DACH1: variants seen among roughly 807,000 people sequenced by gnomAD.
The protein encoded by DACH1 is dachshund homolog 1.
In DACH1, 12 loss-of-function variants were observed where a neutral mutation model predicts 54.2. That is an observed-to-expected ratio of 0.22 (90% CI 0.14 to 0.36). The LOEUF (loss-of-function observed/expected upper bound fraction) is 0.36, where lower values mean the gene tolerates loss of function less well. Ranked by LOEUF, DACH1 falls within the 10% of genes least tolerant of loss-of-function variation. The probability of loss-of-function intolerance (pLI) is 1.00; values close to 1 mark genes in which losing one functional copy is unlikely to be tolerated. For missense variants in DACH1, 805 were observed against 929.8 expected, an observed-to-expected ratio of 0.87 and a Z score of 1.75; for synonymous variants, 386 against 366.2, an observed-to-expected ratio of 1.05 and a Z score of -0.62.
At chr13:71,649,526 TA>T (rs1364074061) in intron 2 of DACH1, among the ~76,000 whole-genome samples, 1 of 152,138 alleles carries the variant, frequency 6.6e-6, no homozygotes, top group Non-Finnish European at 1.5e-5. Context: ...TTCAACTGTG[TA>T]AGGTAGAACA....
chr13:71,750,225 A>G (rs1296431179), intron 1 of DACH1, among the ~76,000 whole-genome samples: 2 of 152,178 alleles, frequency 1.3e-5, no homozygotes, highest in Non-Finnish European at 2.9e-5. Context: ...TTTCCCTGAA[A>G]TACCTGAGCT....
At chr13:71,658,329 C>T (rs1259113286) in intron 2 of DACH1, among the ~76,000 whole-genome samples, 1 of 152,112 alleles carries the variant, frequency 6.6e-6, no homozygotes, top group Non-Finnish European at 1.5e-5. Flanking sequence ...GCGGGTGGAT[C>T]ACCTATGTTC....
intron 3 of DACH1, among the ~76,000 whole-genome samples, chr13:71,598,527 A>G (rs1051459753): frequency 1.3e-5 from 2 of 152,158 alleles, no homozygotes; most frequent in Non-Finnish European, 2.9e-5. Context: ...TGCTGGGATT[A>G]CAGGCGTGAG....
intron 6 of DACH1, among the ~76,000 whole-genome samples, chr13:71,547,246 A>G (rs1883521519): frequency 6.6e-6 from 1 of 152,090 alleles, no homozygotes; most frequent in Admixed American, 6.6e-5. Context: ...TTAATGGATT[A>G]TTTTATAAAA....
At chr13:71,670,542 A>G (rs1198419466) in intron 2 of DACH1, among the ~76,000 whole-genome samples, 1 of 152,142 alleles carries the variant, frequency 6.6e-6, no homozygotes, top group Non-Finnish European at 1.5e-5. Context: ...TAAACATTTC[A>G]TAACCAAATT....
chr13:71,614,586 G>C (rs1307760870), intron 3 of DACH1, among the ~76,000 whole-genome samples: 1 of 152,134 alleles, frequency 6.6e-6, no homozygotes, highest in Non-Finnish European at 1.5e-5. Flanking sequence ...CCTGGCAATG[G>C]TTTGTGCCAG....
At chr13:71,722,853 C>T (rs1025902080) in intron 1 of DACH1, among the ~76,000 whole-genome samples, 4 of 151,944 alleles carry the variant, frequency 2.6e-5, no homozygotes, top group African/African-American at 9.7e-5. Flanking sequence ...TCATAAACTA[C>T]GATGGAGCTG....
At chr13:71,726,597 A>G (rs1883476284) in intron 1 of DACH1, among the ~76,000 whole-genome samples, 1 of 152,012 alleles carries the variant, frequency 6.6e-6, no homozygotes, top group South Asian at 2.1e-4. Flanking sequence ...TAAAGAGGTA[A>G]CTATTCCACA....
chr13:71,609,173 A>T (rs1319361687), intron 3 of DACH1, among the ~76,000 whole-genome samples: 3 of 152,122 alleles, frequency 2.0e-5, no homozygotes, highest in African/African-American at 7.2e-5. Context: ...GAAGTTTATT[A>T]TTATGTGCCT....
chr13:71,682,466 A>G (rs1022400834), intron 1 of DACH1, among the ~76,000 whole-genome samples: 3 of 152,182 alleles, frequency 2.0e-5, no homozygotes, highest in African/African-American at 2.4e-5. Context: ...ATGTTTTATT[A>G]CTTCGCACTG....
chr13:71,823,715 G>GA lies in DACH1; in HGVS notation c.848+42206dup, dbSNP rs150395381. ...TTTCAAGCCAAGTTATCATAAAGTTGAAAAAAAACAAACCAAAATTATTTC... is the reference window on the plus strand; with the variant it reads ...TTTCAAGCCAAGTTATCATAAAGTTGAAAAAAAAACAAACCAAAATTATTTC... On this transcript the variant is annotated intron_variant, in intron 1 of 10. Transcript: ENST00000613252. 7.0e-3 allele frequency among the ~76,000 whole-genome samples: 1,060 copies of GA among 151,090 alleles called. 6 individuals carry two copies. Among genetic ancestry groups the GA allele is most frequent in the Non-Finnish European group, 0.012 (789 of 67,594 alleles).
At position 71,440,599 on chromosome 13, in the gene DACH1, G is replaced by C. The variant is rs868074258; in HGVS notation, c.*56C>G. The C allele has an allele frequency of 8.5e-6, 12 of 1,404,920 alleles. No homozygotes were observed. Among genetic ancestry groups the C allele is most frequent in the Non-Finnish European group, 1.2e-5 (12 of 1,013,994 alleles). The allele number at this position is 1,404,920 out of a possible 1,614,324, so 87.0% of individuals were successfully genotyped here. On this transcript the variant is annotated 3_prime_UTR_variant, in exon 11 of 11. Coordinates refer to ENST00000613252, the MANE Select transcript of DACH1 (RefSeq NM_080759.6). ...ATTTTTTTCTGAACTTTCCCATGAC[G>C]AATGTCTGACTGCAAAGTTCTTTTC...
At chr13:71,615,098 T>C (rs1875662957) in intron 3 of DACH1, among the ~76,000 whole-genome samples, 1 of 152,208 alleles carries the variant, frequency 6.6e-6, no homozygotes, top group East Asian at 1.9e-4. Flanking sequence ...CCCATGTTTA[T>C]GGTAAACCTA....
chr13:71,595,857 T>G (rs1793590401), intron 3 of DACH1, among the ~76,000 whole-genome samples: 1 of 152,102 alleles, frequency 6.6e-6, no homozygotes, highest in Non-Finnish European at 1.5e-5. Flanking sequence ...CTCTAAATAC[T>G]ATCACATTGA....
At chr13:71,643,859 A>G (rs1353793580) in intron 2 of DACH1, among the ~76,000 whole-genome samples, 1 of 152,190 alleles carries the variant, frequency 6.6e-6, no homozygotes, top group Non-Finnish European at 1.5e-5. Context: ...AAGAAGAAAA[A>G]AAAAAGACAA....
chr13:71,703,556 G>A (rs79394610), intron 1 of DACH1, among the ~76,000 whole-genome samples: 3,012 of 152,290 alleles, frequency 0.02, 76 homozygotes, highest in African/African-American at 0.056. Flanking sequence ...CACAAGATGC[G>A]TCATAAATAA....
At chr13:71,507,645 C>A (rs868746815) in intron 6 of DACH1, among the ~76,000 whole-genome samples, 1 of 152,086 alleles carries the variant, frequency 6.6e-6, no homozygotes, top group Admixed American at 6.6e-5. Flanking sequence ...GGAACTGTCA[C>A]GGCAAGTGAG....
Position 71,547,499 on chromosome 13 carries a change from A to C in DACH1, c.1570+9525T>G, listed in dbSNP as rs1000258638. Among the ~76,000 whole-genome samples, 142 of 152,130 alleles carry C rather than the reference A, an allele frequency of 9.3e-4. 1 individual carries two copies. The highest frequency in any genetic ancestry group is 9.3e-3 in the Admixed American group (142 of 15,252). On this transcript the variant is annotated intron_variant, in intron 6 of 10. Coordinates refer to ENST00000613252, the MANE Select transcript of DACH1 (RefSeq NM_080759.6). ...AACTGTAGCATAAGATACTAGCAAC[A>C]ATAGTAATGTAAAATTTTAAAGAAA...
chr13:71,666,629 A>G (rs1879851406), intron 2 of DACH1, among the ~76,000 whole-genome samples: 1 of 152,232 alleles, frequency 6.6e-6, no homozygotes, highest in Non-Finnish European at 1.5e-5. Context: ...AAATATGTCC[A>G]GAGAATAAAG....
Sources: allele counts gnomAD v4.1 joint callset (sites outside exome capture counted in the v4.1 genomes callset), GRCh38; gene constraint gnomAD v4.1.1; transcripts MANE v1.5; gene names NCBI Gene and HGNC (gene_info 2026-07-23, HGNC 2026-07-21).